Variants in KLHDC10 observed in about 807,000 individuals in gnomAD.
KLHDC10 encodes kelch domain containing 10.
KLHDC10 carries 24 observed loss-of-function variants against 56.1 expected under a neutral mutation model. The ratio of observed to expected loss-of-function variants is 0.43; its 90% confidence interval spans 0.31 to 0.60. KLHDC10 has a LOEUF of 0.60. Ranked by LOEUF, KLHDC10 falls within the 20% of genes least tolerant of loss-of-function variation. The probability of loss-of-function intolerance (pLI) is 0.11; values close to 1 mark genes in which losing one functional copy is unlikely to be tolerated. For synonymous variants in KLHDC10, 188 were observed against 207.1 expected, an observed-to-expected ratio of 0.91 and a Z score of 0.79; for missense variants, 349 against 567.0, an observed-to-expected ratio of 0.62 and a Z score of 3.91.
chr7:130,109,381 C>T (rs1349313078), intron 2 of KLHDC10, among the ~76,000 whole-genome samples: 1 of 151,928 alleles, frequency 6.6e-6, no homozygotes, highest in Non-Finnish European at 1.5e-5. Context: ...TGCCACCATG[C>T]CTGGCTAATT....
rs1280472765 is a variant in KLHDC10, at chr7:130,130,251, C to T, written c.1120-286C>T. Among the ~76,000 whole-genome samples the T allele has an allele frequency of 1.3e-5, 2 of 150,174 alleles. No individual in the cohort carries two copies. Among genetic ancestry groups the T allele is most frequent in the Non-Finnish European group, 2.9e-5 (2 of 67,854 alleles). ...AGGAGAATGGCGTGAACCCGGGAGGCGGAGAGCTTGCAGTGAGCTGAAATT... is the reference window on the plus strand; with the variant it reads ...AGGAGAATGGCGTGAACCCGGGAGGTGGAGAGCTTGCAGTGAGCTGAAATT... On this transcript the variant is annotated intron_variant, in intron 9 of 9. Coordinates refer to ENST00000335420, the MANE Select transcript of KLHDC10 (RefSeq NM_014997.4). The surrounding 1 kb of genome is among the most constrained non-coding windows in gnomAD (Gnocchi z 4.2).
chr7:130,103,796 A>G (rs1795971271), intron 2 of KLHDC10, among the ~76,000 whole-genome samples: 1 of 152,098 alleles, frequency 6.6e-6, no homozygotes, highest in Non-Finnish European at 1.5e-5. Context: ...CTCTGGTAAA[A>G]TGAAAAATCC....
At chr7:130,108,572 A>AAAAAAAAAAAAAAT (rs1405437913) in intron 2 of KLHDC10, among the ~76,000 whole-genome samples, 32 of 144,068 alleles carry the variant, frequency 2.2e-4, no homozygotes, top group African/African-American at 7.6e-4. Flanking sequence ...AAAAAAAAAA[A>AAAAAAAAAAAAAAT]AGCTGGGCGT....
intron 2 of KLHDC10, among the ~76,000 whole-genome samples, chr7:130,115,157 C>T (rs1212327820): frequency 6.6e-6 from 1 of 152,188 alleles, no homozygotes; most frequent in East Asian, 1.9e-4. Flanking sequence ...AAATGTATAA[C>T]ATGTTTATTA....
chr7:130,120,589 A>G lies in KLHDC10; in HGVS notation c.476-160A>G, dbSNP rs549297501. Among the ~76,000 whole-genome samples, 113 of 152,192 alleles carry G rather than the reference A, an allele frequency of 7.4e-4. No individual in the cohort carries two copies. Among genetic ancestry groups the G allele is most frequent in the Non-Finnish European group, 1.3e-3 (91 of 68,042 alleles). On this transcript the variant is annotated intron_variant, in intron 3 of 9. Coordinates refer to ENST00000335420, the MANE Select transcript of KLHDC10 (RefSeq NM_014997.4). The surrounding 1 kb of genome is among the most constrained non-coding windows in gnomAD (Gnocchi z 5.1). ...ATTTTGAATTAGACTTCAGATTTTC[A>G]GATTTGGCACGCTCAGCTACTAGTT...
intron 7 of KLHDC10, 73 bp from the exon 8 acceptor site, chr7:130,127,331 T>C: frequency 8.3e-7 from 1 of 1,212,042 alleles, no homozygotes; most frequent in South Asian, 1.2e-5. Flanking sequence ...AGTGTGTCTT[T>C]CACTGTGTTA....
Position 130,101,232 on chromosome 7 carries a change from A to C in KLHDC10, c.253+4225A>C, listed in dbSNP as rs527448562. On this transcript the variant is annotated intron_variant, in intron 2 of 9. Coordinates refer to ENST00000335420, the MANE Select transcript of KLHDC10 (RefSeq NM_014997.4). ...ACAGAGCACTTAGGAGAGTTTCTTT[A>C]CATATAGCAAATGTTGAATTAGTGC... is the stretch of plus-strand genomic sequence containing the variant. Among the ~76,000 whole-genome samples the C allele has an allele frequency of 2.0e-4, 31 of 152,318 alleles. 1 individual carries two copies. The highest frequency in any genetic ancestry group is 7.0e-4 in the African/African-American group (29 of 41,580).
At chr7:130,080,308 T>A (rs1795585939) in intron 1 of KLHDC10, among the ~76,000 whole-genome samples, 1 of 152,188 alleles carries the variant, frequency 6.6e-6, no homozygotes, top group Non-Finnish European at 1.5e-5. Flanking sequence ...AAAGGTTTTG[T>A]GGAATTCCCC....
chr7:130,097,018 A>G lies in KLHDC10; in HGVS notation c.253+11A>G. On this transcript the variant is annotated intron_variant, in intron 2 of 9. Transcript: ENST00000335420. The stretch of plus-strand genomic sequence containing the variant: ...ACAGGTTTTTGAGAGGTGGGTGATA[A>G]TTAGCAAGAGATCTGTGCTTCGTAT... The G allele has an allele frequency of 6.3e-7, 1 of 1,583,194 alleles. No individual in the cohort carries two copies. The highest frequency in any genetic ancestry group is 1.3e-5 in the African/African-American group (1 of 74,548).
At chr7:130,071,445 A>G (rs1334969753) in intron 1 of KLHDC10, among the ~76,000 whole-genome samples, 4 of 152,238 alleles carry the variant, frequency 2.6e-5, no homozygotes, top group Non-Finnish European at 5.9e-5. Context: ...TAGTGACACA[A>G]TTATGCTGTG....
intron 3 of KLHDC10, among the ~76,000 whole-genome samples, chr7:130,118,063 C>T (rs1796194890): frequency 6.6e-6 from 1 of 151,904 alleles, no homozygotes; most frequent in Non-Finnish European, 1.5e-5. Flanking sequence ...ATCCCAGCTA[C>T]TCAGGAGGCT....
At position 130,130,039 on chromosome 7, in the gene KLHDC10, G is replaced by C. The variant is rs947487937; in HGVS notation, c.1119+463G>C. Among the ~76,000 whole-genome samples the C allele has an allele frequency of 1.3e-5, 2 of 151,964 alleles. No homozygotes were observed. The highest frequency in any genetic ancestry group is 6.6e-5 in the Admixed American group (1 of 15,264). On this transcript the variant is annotated intron_variant, in intron 9 of 9. Transcript: ENST00000335420. This position sits in a 1 kb window ranked among gnomAD's most constrained non-coding sequence, Gnocchi z 4.2. Reference sequence around the variant, plus strand: ...AAAAAAAAATTCATATATATAGGCCGGGCGCGGTGGCTCAGGCCTGTAATC... The same window carrying C: ...AAAAAAAAATTCATATATATAGGCCCGGCGCGGTGGCTCAGGCCTGTAATC...
rs1366752597 is a variant in KLHDC10 at position 130,133,419 on chromosome 7, T to C, written c.*2673T>C. The C allele has an allele frequency of 6.6e-6, 1 of 152,228 alleles. No homozygotes were observed. Among genetic ancestry groups the C allele is most frequent in the Admixed American group, 6.5e-5 (1 of 15,282 alleles). The allele number at this position is 152,228 out of a possible 1,614,324, so 9.4% of individuals were successfully genotyped here. On this transcript the variant is annotated 3_prime_UTR_variant, in exon 10 of 10. Transcript: ENST00000335420. ...CATATGGATATATACAGATTATATATAGGGTGTAACTATAAAGCAGGTAGA... is the reference window on the plus strand; with the variant it reads ...CATATGGATATATACAGATTATATACAGGGTGTAACTATAAAGCAGGTAGA...
rs201212152 is a variant in KLHDC10 at position 130,122,221 on chromosome 7, A to G, written c.779+19A>G. On this transcript the variant is annotated intron_variant, in intron 5 of 9. Coordinates refer to ENST00000335420, the MANE Select transcript of KLHDC10 (RefSeq NM_014997.4). ...AAGAGAGGTGAGGTTCTAGGATTCA[A>G]GCATATTTATTCTTTCGTGCTAACA... 5.0e-6 allele frequency: 8 copies of G among 1,611,150 alleles called. No homozygotes were observed. The highest frequency in any genetic ancestry group is 1.7e-6 in the Non-Finnish European group (2 of 1,178,998).
chr7:130,130,447 GATTCCATCT>G lies in KLHDC10; in HGVS notation c.1120-88_1120-80del. The G allele has an allele frequency of 2.1e-6, 2 of 968,540 alleles. No homozygotes were observed. Among genetic ancestry groups the G allele is most frequent in the Admixed American group, 3.7e-5 (2 of 54,662 alleles). The allele number at this position is 968,540 out of a possible 1,614,324, so 60.0% of individuals were successfully genotyped here. A position where few individuals can be genotyped will look rare whatever the true frequency, so the allele number is the denominator to read the frequency against. On this transcript the variant is annotated intron_variant, in intron 9 of 9. Transcript: ENST00000335420. This position sits in a 1 kb window ranked among gnomAD's most constrained non-coding sequence, Gnocchi z 4.2. ...AGGAATTCTTGTTTCATTTCATTTT[GATTCCATCT>G]ACTATGCTTTTTCCCCACTGAGTCT...
intron 1 of KLHDC10, among the ~76,000 whole-genome samples, chr7:130,076,167 T>C (rs1168657669): frequency 6.6e-6 from 1 of 151,938 alleles, no homozygotes; most frequent in Non-Finnish European, 1.5e-5. Context: ...CACCGTAGAG[T>C]TAGCACTCCT....
chr7:130,105,010 A>G (rs1795989492), intron 2 of KLHDC10, among the ~76,000 whole-genome samples: 1 of 152,154 alleles, frequency 6.6e-6, no homozygotes, highest in Non-Finnish European at 1.5e-5. Flanking sequence ...AAAGGCGCTC[A>G]CCCTCATTGC....
At chr7:130,095,167 G>T (rs1227069845) in intron 1 of KLHDC10, among the ~76,000 whole-genome samples, 1 of 151,532 alleles carries the variant, frequency 6.6e-6, no homozygotes, top group Admixed American at 6.6e-5. Context: ...TTAAAACAAT[G>T]GTTCTCTAAG....
chr7:130,129,002 A>G (rs1291148428), intron 8 of KLHDC10, among the ~76,000 whole-genome samples: 1 of 148,794 alleles, frequency 6.7e-6, no homozygotes, highest in East Asian at 1.9e-4. Flanking sequence ...AAAAAAATGG[A>G]CGATCTGGCA....
Sources: allele counts gnomAD v4.1 joint callset (sites outside exome capture counted in the v4.1 genomes callset), GRCh38; gene constraint gnomAD v4.1.1; non-coding constraint Gnocchi (gnomAD v3.1); transcripts MANE v1.5; gene names NCBI Gene and HGNC (gene_info 2026-07-23, HGNC 2026-07-21).